PEX13: variants seen among roughly 807,000 people sequenced by gnomAD.
PEX13 encodes the protein peroxisomal biogenesis factor 13.
In PEX13, 28 loss-of-function variants were observed where a neutral mutation model predicts 34.5. The observed-to-expected ratio is 0.81, with a 90% CI of 0.60 to 1.11. PEX13 has a LOEUF of 1.11. Among genes scored for constraint, PEX13 ranks in the 50% most tolerant of loss-of-function variants. The pLI is 0.00. For missense variants in PEX13, 550 were observed against 491.0 expected (o/e 1.12, Z -1.13); for synonymous variants, 177 against 175.1 (o/e 1.01, Z -0.09).
chr2:61,025,424 T>C (rs946710969), intron 1 of PEX13, among the ~76,000 whole-genome samples: 2 of 152,018 alleles, frequency 1.3e-5, no homozygotes, highest in Admixed American at 6.6e-5. Context: ...AGTGGTACAA[T>C]CTCGGCTCAC....
rs1559035749 is a variant in PEX13, at chr2:61,031,914, G to A, written c.588G>A (p.Gln196=). 1 of 1,613,984 alleles carries A rather than the reference G, an allele frequency of 6.2e-7. No individual in the cohort carries two copies. The highest frequency in any genetic ancestry group is 1.3e-5 in the African/African-American group (1 of 74,928). Residue 196 remains glutamine, a synonymous_variant, in exon 2 of 4, where the codon CAG becomes CAA. Transcript: ENST00000295030. ...TACGGTATCTTTACAGACGGCTACA[G>A]CGGATGTTAGGTTTAAGAAGAGGCT... ...RTIRYLYRRL[Q]RMLGLRRGSE...
Position 61,050,319 on chromosome 2 carries a change from G to A in PEX13, c.*1549G>A, listed in dbSNP as rs577438199. The A allele has an allele frequency of 6.6e-6, 1 of 152,326 alleles. No homozygotes were observed. Among genetic ancestry groups the A allele is most frequent in the East Asian group, 1.9e-4 (1 of 5,178 alleles). The allele number at this position is 152,326 out of a possible 1,614,324, so 9.4% of individuals were successfully genotyped here. A position where few individuals can be genotyped will look rare whatever the true frequency, so the allele number is the denominator to read the frequency against. ...TGAACCCGGGAGGCAGAGGTTGCAGGGAGCTGAGATCATGCCACTGCACTC... is the reference window on the plus strand; with the variant it reads ...TGAACCCGGGAGGCAGAGGTTGCAGAGAGCTGAGATCATGCCACTGCACTC... On this transcript the variant is annotated 3_prime_UTR_variant, in exon 4 of 4. Coordinates refer to ENST00000295030, the MANE Select transcript of PEX13 (RefSeq NM_002618.4).
chr2:61,028,087 G>T (rs1314514777), intron 1 of PEX13, among the ~76,000 whole-genome samples: 3 of 152,168 alleles, frequency 2.0e-5, no homozygotes, highest in Non-Finnish European at 4.4e-5. Flanking sequence ...AATATTTGTG[G>T]TACAAAACTG....
intron 1 of PEX13, among the ~76,000 whole-genome samples, chr2:61,024,602 G>T (rs907119766): frequency 1.3e-5 from 2 of 152,182 alleles, no homozygotes; most frequent in African/African-American, 4.8e-5. Context: ...GAGGTCAGGA[G>T]ATCGAGACCA....
chr2:61,037,656 G>A (rs905743958), intron 2 of PEX13, among the ~76,000 whole-genome samples: 2 of 152,102 alleles, frequency 1.3e-5, no homozygotes, highest in Admixed American at 6.6e-5. Flanking sequence ...CCCACAAGAA[G>A]CAGGAAAGAT....
At chr2:61,018,460 G>C (rs1244666477) in intron 1 of PEX13, 1 of 804,948 alleles carries the variant, frequency 1.2e-6, no homozygotes, top group Non-Finnish European at 1.8e-6. Context: ...GTATTTTTCT[G>C]AGGCCTGTAT....
chr2:61,045,929 G>T lies in PEX13; in HGVS notation c.913+78G>T, dbSNP rs568453429. ...TGCAGTATTAAAAACTACAACAAAG[G>T]ATCTTGTTCATTGTTAGTTAACTTA... is the stretch of plus-strand genomic sequence containing the variant. On this transcript the variant is annotated intron_variant, in intron 3 of 3. Coordinates refer to ENST00000295030, the MANE Select transcript of PEX13 (RefSeq NM_002618.4). 5.7e-4 allele frequency: 672 copies of T among 1,183,098 alleles called. 5 individuals are homozygous for T. The South Asian group carries it at 7.9e-3, about 14-fold the overall frequency. 73.3% of individuals were successfully genotyped at this position (1,183,098 alleles called of 1,614,324 possible). A position where few individuals can be genotyped will look rare whatever the true frequency, so the allele number is the denominator to read the frequency against.
At chr2:61,023,175 T>TTA (rs1024536984) in intron 1 of PEX13, among the ~76,000 whole-genome samples, 2 of 151,452 alleles carry the variant, frequency 1.3e-5, no homozygotes, top group Non-Finnish European at 2.9e-5. Context: ...CAACTAATTT[T>TTA]TATATTTTTA....
At position 61,017,759 on chromosome 2, in the gene PEX13, G is replaced by A; in HGVS notation, c.-1G>A. ...GCGGGAGCCGAGAGGAGGCGGAGGAGATGGCGTCCCAGCCGCCACCTCCCC... is the reference window on the plus strand; with the variant it reads ...GCGGGAGCCGAGAGGAGGCGGAGGAAATGGCGTCCCAGCCGCCACCTCCCC... On this transcript the variant is annotated 5_prime_UTR_variant, in exon 1 of 4. Coordinates refer to ENST00000295030, the MANE Select transcript of PEX13 (RefSeq NM_002618.4). 3 of 1,549,362 alleles carry A rather than the reference G, an allele frequency of 1.9e-6. No homozygotes were observed. Among genetic ancestry groups the A allele is most frequent in the East Asian group, 2.4e-5 (1 of 41,048 alleles).
At chr2:61,027,919 T>C (rs551743968) in intron 1 of PEX13, among the ~76,000 whole-genome samples, 3 of 152,168 alleles carry the variant, frequency 2.0e-5, no homozygotes, top group South Asian at 4.2e-4. Flanking sequence ...AAAAATAGAG[T>C]TCTAGTAGCT....
chr2:61,035,932 A>C (rs1279213967), intron 2 of PEX13, among the ~76,000 whole-genome samples: 1 of 151,754 alleles, frequency 6.6e-6, no homozygotes, highest in Non-Finnish European at 1.5e-5. Context: ...GCAGGGAGCC[A>C]AGATCACACC....
chr2:61,018,163 A>T lies in PEX13; in HGVS notation c.92+312A>T, dbSNP rs1467132390. The T allele has an allele frequency of 2.6e-6, 4 of 1,550,670 alleles. No homozygotes were observed. In the South Asian group the frequency reaches 4.8e-5, roughly 18 times the overall value. ...CCGCTTCTGTTTTCACTTTGACAGA[A>T]TGGCTTCTCTATCTTTAAAGCGTAG... On this transcript the variant is annotated intron_variant, in intron 1 of 3. Transcript: ENST00000295030.
intron 3 of PEX13, among the ~76,000 whole-genome samples, chr2:61,046,215 A>C (rs1484121010): frequency 6.6e-6 from 1 of 152,254 alleles, no homozygotes; most frequent in Non-Finnish European, 1.5e-5. Context: ...CATTGCTGTT[A>C]GTCCTTGTGG....
In PEX13 at chr2:61,035,407, C is replaced by T. The variant is rs151095286; in HGVS notation, c.787+3294C>T. On this transcript the variant is annotated intron_variant, in intron 2 of 3. Transcript: ENST00000295030. ...AACCTGAAAATTCCAAAAACCAGAG[C>T]GCCTCTTCTCCAAAGGATCGCAGCT... Among the ~76,000 whole-genome samples, 622 of 152,224 alleles carry T rather than the reference C, an allele frequency of 4.1e-3. 11 individuals carry two copies. Among genetic ancestry groups the T allele is most frequent in the Non-Finnish European group, 2.8e-3 (192 of 68,018 alleles).
intron 1 of PEX13, among the ~76,000 whole-genome samples, chr2:61,019,608 A>G (rs1333318919): frequency 6.6e-6 from 1 of 152,016 alleles, no homozygotes; most frequent in African/African-American, 2.4e-5. Context: ...TTTTTTCCAT[A>G]TAGGTAACTA....
chr2:61,045,620 G>T, intron 2 of PEX13, 106 bp from the exon 3 acceptor site: 2 of 884,972 alleles, frequency 2.3e-6, no homozygotes. Flanking sequence ...TGGGAGGGGA[G>T]GACTTTTCTC....
intron 1 of PEX13, chr2:61,018,239 C>T: frequency 1.3e-6 from 2 of 1,551,118 alleles, no homozygotes; most frequent in Non-Finnish European, 1.7e-6. Context: ...ACGGCATCGA[C>T]AGGGAGCAAA....
chr2:61,038,606 CAAAAT>C (rs1475309023), intron 2 of PEX13, among the ~76,000 whole-genome samples: 3 of 152,142 alleles, frequency 2.0e-5, no homozygotes, highest in African/African-American at 7.2e-5. Context: ...GAATGTATCT[CAAAAT>C]AATAAAAGGT....
intron 2 of PEX13, among the ~76,000 whole-genome samples, chr2:61,037,334 A>T (rs141305626): frequency 2.0e-5 from 3 of 152,204 alleles, no homozygotes. Context: ...TCAGCACCAC[A>T]TCACACATAT....
Sources: allele counts gnomAD v4.1 joint callset (sites outside exome capture counted in the v4.1 genomes callset), GRCh38; gene constraint gnomAD v4.1.1; transcripts MANE v1.5; gene names NCBI Gene and HGNC (gene_info 2026-07-23, HGNC 2026-07-21).